Variants in FAM114A2 observed in about 807,000 individuals in gnomAD.
FAM114A2 encodes family with sequence similarity 114 member A2.
FAM114A2 carries 53 observed loss-of-function variants against 58.4 expected under a neutral mutation model. That is an observed-to-expected ratio of 0.91 (90% CI 0.73 to 1.14). FAM114A2 has a LOEUF of 1.14. Among genes scored for constraint, FAM114A2 ranks in the 50% most tolerant of loss-of-function variants. FAM114A2 has a pLI of 0.00. For synonymous variants in FAM114A2, 228 were observed against 211.4 expected, an observed-to-expected ratio of 1.08 and a Z score of -0.68; for missense variants, 601 against 581.1, an observed-to-expected ratio of 1.03 and a Z score of -0.35.
intron 9 of FAM114A2, among the ~76,000 whole-genome samples, chr5:154,004,862 T>C (rs144590344): frequency 1.3e-5 from 2 of 152,242 alleles, no homozygotes; most frequent in Non-Finnish European, 2.9e-5. Context: ...GGGCTGACCA[T>C]TCCTCTTTCC....
chr5:153,999,175 T>C (rs946505203), intron 11 of FAM114A2, among the ~76,000 whole-genome samples: 6 of 152,024 alleles, frequency 3.9e-5, no homozygotes, highest in African/African-American at 7.2e-5. Context: ...CATTAAAAAA[T>C]GGGCAAAGGA....
At chr5:154,001,507 G>A (rs1769970805) in intron 11 of FAM114A2, among the ~76,000 whole-genome samples, 1 of 152,196 alleles carries the variant, frequency 6.6e-6, no homozygotes, top group African/African-American at 2.4e-5. Context: ...ATGGGGTGCT[G>A]TAGTGGGATG....
intron 8 of FAM114A2, among the ~76,000 whole-genome samples, chr5:154,020,462 A>T (rs543135653): frequency 6.6e-6 from 1 of 152,316 alleles, no homozygotes; most frequent in East Asian, 1.9e-4. Context: ...GATGAAGAGT[A>T]TATCACCACC....
rs965793089 is a variant in FAM114A2, at chr5:154,030,018, A to G, written c.404-438T>C. Among the ~76,000 whole-genome samples the G allele has an allele frequency of 3.9e-5, 6 of 152,180 alleles. 1 individual carries two copies. The highest frequency in any genetic ancestry group is 3.3e-4 in the Admixed American group (5 of 15,280). ...AATACAGATATAGGAAACATTCTAT[A>G]TATCTGTATTGATCATTCTATATAG... On this transcript the variant is annotated intron_variant, in intron 4 of 13. Coordinates refer to ENST00000351797, the MANE Select transcript of FAM114A2 (RefSeq NM_018691.4).
chr5:154,026,354 A>AAT, intron 8 of FAM114A2, 45 bp downstream of exon 8: 1 of 1,447,332 alleles, frequency 6.9e-7, no homozygotes, highest in Non-Finnish European at 9.2e-7. Flanking sequence ...ACTGCATACA[A>AAT]ACACACTGCA....
chr5:154,000,425 A>C (rs1348165175), intron 11 of FAM114A2, among the ~76,000 whole-genome samples: 2 of 151,890 alleles, frequency 1.3e-5, no homozygotes, highest in Admixed American at 6.6e-5. Context: ...TGACTTCATC[A>C]TTATACATTC....
intron 8 of FAM114A2, among the ~76,000 whole-genome samples, chr5:154,012,346 C>T (rs1770752161): frequency 6.6e-6 from 1 of 152,170 alleles, no homozygotes; most frequent in Non-Finnish European, 1.5e-5. Flanking sequence ...CAAATCCAAT[C>T]AGTGCGAAAT....
chr5:154,028,849 G>T (rs1296756674), intron 5 of FAM114A2, among the ~76,000 whole-genome samples: 1 of 152,170 alleles, frequency 6.6e-6, no homozygotes, highest in African/African-American at 2.4e-5. Context: ...CTTGGTGCAG[G>T]AGAGGGGGAG....
intron 9 of FAM114A2, among the ~76,000 whole-genome samples, chr5:154,009,902 T>C (rs1770579156): frequency 6.6e-6 from 1 of 152,154 alleles, no homozygotes. Flanking sequence ...CTGGCTCCAG[T>C]GGTAGAGGAA....
chr5:154,027,361 G>C, intron 6 of FAM114A2, 27 bp from the exon 7 acceptor site: 2 of 1,590,778 alleles, frequency 1.3e-6, no homozygotes, highest in Non-Finnish European at 1.7e-6. Flanking sequence ...GCATTACACT[G>C]TAGCAAACAA....
intron 13 of FAM114A2, 84 bp downstream of exon 13, chr5:153,994,835 T>C (rs1261654108): frequency 1.2e-6 from 1 of 865,694 alleles, no homozygotes; most frequent in Non-Finnish European, 1.9e-6. Context: ...GTGAATAAAA[T>C]AAAAAAGCCA....
chr5:153,991,408 T>A lies in FAM114A2; in HGVS notation c.*1568A>T, dbSNP rs564486927. On this transcript the variant is annotated 3_prime_UTR_variant, in exon 14 of 14. Coordinates refer to ENST00000351797, the MANE Select transcript of FAM114A2 (RefSeq NM_018691.4). Reference sequence around the variant, plus strand: ...CATCAACCAAGCTTGAGGCAACAATTCAGAACTGGTGACACCAGCCTTTGT... The same window carrying A: ...CATCAACCAAGCTTGAGGCAACAATACAGAACTGGTGACACCAGCCTTTGT... 2 of 152,278 alleles carry A rather than the reference T, an allele frequency of 1.3e-5. No homozygotes were observed. Among genetic ancestry groups the A allele is most frequent in the African/African-American group, 4.8e-5 (2 of 41,552 alleles). 9.4% of individuals were successfully genotyped at this position (152,278 alleles called of 1,614,324 possible).
At position 154,027,062 on chromosome 5, in the gene FAM114A2, C is replaced by T. The variant is rs1771831917; in HGVS notation, c.789+114G>A. On this transcript the variant is annotated intron_variant, in intron 7 of 13. Coordinates refer to ENST00000351797, the MANE Select transcript of FAM114A2 (RefSeq NM_018691.4). Reference sequence around the variant, plus strand: ...TTGTGGTAGTATTTCGAAGGCATCTCAAGCCTCTAACAAAACATACACTTC... The same window carrying T: ...TTGTGGTAGTATTTCGAAGGCATCTTAAGCCTCTAACAAAACATACACTTC... 3.6e-6 allele frequency: 3 copies of T among 833,260 alleles called. No homozygotes were observed. The East Asian group carries it at 7.6e-5, about 21-fold the overall frequency. 51.6% of individuals were successfully genotyped at this position (833,260 alleles called of 1,614,324 possible). A position where few individuals can be genotyped will look rare whatever the true frequency, so the allele number is the denominator to read the frequency against.
chr5:154,002,430 A>T, intron 10 of FAM114A2, 40 bp from the exon 11 acceptor site: 1 of 1,601,860 alleles, frequency 6.2e-7, no homozygotes, highest in African/African-American at 1.3e-5. Context: ...AAAACAAAAC[A>T]TTTGGTGGAA....
chr5:154,031,312 C>CAGAAAAAAAAAA (rs1772177531), intron 4 of FAM114A2, among the ~76,000 whole-genome samples: 1 of 47,858 alleles, frequency 2.1e-5, no homozygotes, highest in Non-Finnish European at 3.4e-5. Context: ...ACTCCCTCTC[C>CAGAAAAAAAAAA]AAAAAAAAAA....
chr5:153,998,047 A>C (rs577510192), intron 11 of FAM114A2, among the ~76,000 whole-genome samples, 172 bp from the exon 12 acceptor site: 5 of 152,208 alleles, frequency 3.3e-5, no homozygotes, highest in Non-Finnish European at 7.3e-5. Flanking sequence ...CACTTTTTGC[A>C]GTTTCAGTTA....
chr5:154,037,599 G>A (rs1024982423), intron 1 of FAM114A2, among the ~76,000 whole-genome samples: 1 of 152,054 alleles, frequency 6.6e-6, no homozygotes, highest in Non-Finnish European at 1.5e-5. Flanking sequence ...CTCTCTCCAG[G>A]TTGCAACGCA....
intron 11 of FAM114A2, among the ~76,000 whole-genome samples, chr5:154,000,747 C>T (rs1208819935): frequency 6.6e-6 from 1 of 152,074 alleles, no homozygotes; most frequent in East Asian, 1.9e-4. Context: ...CATTTCTCTA[C>T]AAAATTCTCT....
rs1390214876 is a variant in FAM114A2, at chr5:153,990,242, T to C, written c.*2734A>G. The C allele has an allele frequency of 1.3e-5, 2 of 152,128 alleles. No homozygotes were observed. The highest frequency in any genetic ancestry group is 2.9e-5 in the Non-Finnish European group (2 of 68,026). 9.4% of individuals were successfully genotyped at this position (152,128 alleles called of 1,614,324 possible). ...GAACACCTCTAGAAATACAGAAAAA[T>C]GTCTATTTCTCAAATGGAGATATCA... On this transcript the variant is annotated 3_prime_UTR_variant, in exon 14 of 14. Transcript: ENST00000351797.
Sources: gnomAD v4.1 joint callset for allele counts (sites outside exome capture counted in the v4.1 genomes callset) on GRCh38, gnomAD v4.1.1 for gene constraint, MANE v1.5 for transcripts, NCBI Gene and HGNC (gene_info 2026-07-23, HGNC 2026-07-21) for gene names.